Variants in FSTL5 observed in about 807,000 individuals in gnomAD.
FSTL5 encodes the protein follistatin-related protein 5.
FSTL5 carries 62 observed loss-of-function variants against 89.1 expected under a neutral mutation model. That is an observed-to-expected ratio of 0.70 (90% CI 0.57 to 0.86). The LOEUF (loss-of-function observed/expected upper bound fraction) is 0.86, where lower values mean the gene tolerates loss of function less well. FSTL5 is among the 40% of genes least tolerant of loss of function. The pLI, the probability that FSTL5 is intolerant of heterozygous loss-of-function variation, is 0.00. For synonymous variants in FSTL5, 383 were observed against 346.2 expected, an observed-to-expected ratio of 1.11 and a Z score of -1.18; for missense variants, 1,057 against 1,001.6, an observed-to-expected ratio of 1.06 and a Z score of -0.75.
At chr4:161,960,350 A>AT (rs753126814) in intron 3 of FSTL5, among the ~76,000 whole-genome samples, 61 of 151,384 alleles carry the variant, frequency 4.0e-4, no homozygotes, top group Non-Finnish European at 4.0e-4. Context: ...TTTTAAATAT[A>AT]TTTTTAGTAG....
chr4:162,042,082 G>A (rs982047638), intron 2 of FSTL5: 7 of 151,770 alleles, frequency 4.6e-5, no homozygotes, highest in Non-Finnish European at 8.8e-5. Flanking sequence ...CCCAGGACAC[G>A]GCAGTTTTGG....
intron 10 of FSTL5, among the ~76,000 whole-genome samples, chr4:161,510,865 C>A (rs1420291211): frequency 6.6e-6 from 1 of 151,724 alleles, no homozygotes; most frequent in Non-Finnish European, 1.5e-5. Flanking sequence ...TGAAATATTC[C>A]TGAACAAGAA....
chr4:161,555,770 G>T (rs762905726), intron 8 of FSTL5, among the ~76,000 whole-genome samples: 1 of 151,594 alleles, frequency 6.6e-6, no homozygotes, highest in Admixed American at 6.6e-5. Context: ...GCAAGCAAAG[G>T]TTTGGTGTCT....
chr4:161,945,192 C>T (rs1445738000), intron 3 of FSTL5, among the ~76,000 whole-genome samples: 1 of 152,168 alleles, frequency 6.6e-6, no homozygotes, highest in Admixed American at 6.6e-5. Context: ...TCTTCTTCCA[C>T]TGCCCAGACA....
At chr4:162,091,258 T>C (rs1730538766) in intron 2 of FSTL5, among the ~76,000 whole-genome samples, 1 of 152,194 alleles carries the variant, frequency 6.6e-6, no homozygotes, top group Non-Finnish European at 1.5e-5. Flanking sequence ...CTTGATAGAT[T>C]ATCCATTTTC....
intron 2 of FSTL5, among the ~76,000 whole-genome samples, chr4:162,056,517 T>A (rs879479517): frequency 3.5e-4 from 54 of 152,200 alleles, no homozygotes; most frequent in African/African-American, 1.3e-3. Context: ...ATATGATGTA[T>A]GCGGTATATT....
intron 3 of FSTL5, among the ~76,000 whole-genome samples, chr4:161,971,629 G>C (rs908405194): frequency 6.6e-6 from 1 of 151,974 alleles, no homozygotes; most frequent in Non-Finnish European, 1.5e-5. Flanking sequence ...TATGTAATAT[G>C]GGTTAATTAT....
intron 4 of FSTL5, among the ~76,000 whole-genome samples, chr4:161,791,964 G>T (rs909297088): frequency 6.6e-6 from 1 of 152,180 alleles, no homozygotes; most frequent in Non-Finnish European, 1.5e-5. Context: ...AGGAACCAGG[G>T]CCCTTCCAAG....
At chr4:161,898,436 A>G (rs936559406) in intron 4 of FSTL5, among the ~76,000 whole-genome samples, 10 of 151,920 alleles carry the variant, frequency 6.6e-5, no homozygotes, top group Non-Finnish European at 1.3e-4. Flanking sequence ...ATATGGTAAG[A>G]TTACGCTTAG....
intron 2 of FSTL5, among the ~76,000 whole-genome samples, chr4:162,051,011 C>A (rs975885858): frequency 6.6e-6 from 1 of 151,326 alleles, no homozygotes; most frequent in African/African-American, 2.4e-5. Context: ...ACCATTTAAA[C>A]CTCTTCTATG....
In FSTL5 at chr4:161,803,458, C is replaced by A. The variant is rs557418083; in HGVS notation, c.410-27384G>T. Among the ~76,000 whole-genome samples the A allele has an allele frequency of 2.6e-3, 401 of 151,962 alleles. 2 individuals are homozygous for A. Among genetic ancestry groups the A allele is most frequent in the Non-Finnish European group, 3.6e-3 (244 of 67,860 alleles). ...GATAAGTATCACTTTTACTACATCA[C>A]GTAAGTTTGCACAAACAGATGTTTT... On this transcript the variant is annotated intron_variant, in intron 4 of 15. Coordinates refer to ENST00000306100, the MANE Select transcript of FSTL5 (RefSeq NM_020116.5).
chr4:161,853,544 C>CT (rs556196341), intron 4 of FSTL5, among the ~76,000 whole-genome samples: 105 of 144,496 alleles, frequency 7.3e-4, no homozygotes, highest in African/African-American at 1.4e-3. Flanking sequence ...TCCCAAGTGG[C>CT]TTTTTTTTTT....
intron 15 of FSTL5, among the ~76,000 whole-genome samples, chr4:161,426,839 G>A (rs886470079): frequency 2.0e-5 from 3 of 152,028 alleles, no homozygotes; most frequent in African/African-American, 7.2e-5. Context: ...CACTTAAAAC[G>A]TTTGCCAACT....
intron 7 of FSTL5, among the ~76,000 whole-genome samples, chr4:161,611,123 C>CATATATATATAT (rs201910594): frequency 1.4e-5 from 2 of 143,528 alleles, no homozygotes; most frequent in African/African-American, 2.6e-5. Flanking sequence ...AGAAAAGATA[C>CATATATATATAT]ATATATATAT....
At chr4:162,049,226 AAAGCTT>A (rs1738302645) in intron 2 of FSTL5, among the ~76,000 whole-genome samples, 1 of 152,144 alleles carries the variant, frequency 6.6e-6, no homozygotes, top group Admixed American at 6.6e-5. Context: ...AGAGTGAGAG[AAAGCTT>A]TGAAGATTTG....
chr4:161,803,420 A>G (rs1343807266), intron 4 of FSTL5, among the ~76,000 whole-genome samples: 1 of 152,016 alleles, frequency 6.6e-6, no homozygotes, highest in African/African-American at 2.4e-5. Flanking sequence ...GAAATATTAA[A>G]AATACTCATA....
At chr4:162,160,801 C>T (rs1247556736) in intron 1 of FSTL5, among the ~76,000 whole-genome samples, 1 of 150,138 alleles carries the variant, frequency 6.7e-6, no homozygotes, top group Non-Finnish European at 1.5e-5. Context: ...TTTTCTATCG[C>T]CCATGTTAGT....
chr4:161,451,616 A>T (rs149292234), intron 15 of FSTL5, among the ~76,000 whole-genome samples: 1,694 of 152,336 alleles, frequency 0.011, 31 homozygotes, highest in Admixed American at 0.05. Flanking sequence ...ACCAGAGTCA[A>T]TGGTGAATGA....
intron 2 of FSTL5, among the ~76,000 whole-genome samples, chr4:162,096,948 T>C (rs922613666): frequency 6.6e-6 from 1 of 151,950 alleles, no homozygotes. Flanking sequence ...GGATTGATTA[T>C]CCTTTGTTGT....
Sources: gnomAD v4.1 joint callset for allele counts (sites outside exome capture counted in the v4.1 genomes callset) on GRCh38, gnomAD v4.1.1 for gene constraint, MANE v1.5 for transcripts, NCBI Gene and HGNC (gene_info 2026-07-23, HGNC 2026-07-21) for gene names.